Variants in VRK2 observed in about 807,000 individuals in gnomAD.
VRK2 encodes VRK serine/threonine kinase 2.
Under a neutral mutation model 57.6 loss-of-function variants are expected in VRK2, and 60 were observed. That is an observed-to-expected ratio of 1.04 (90% CI 0.85 to 1.29). The LOEUF is 1.29. Among genes scored for constraint, VRK2 ranks in the 50% most tolerant of loss-of-function variants. VRK2 has a pLI of 0.00. For synonymous variants in VRK2, 231 were observed against 199.2 expected (o/e 1.16, Z -1.35); for missense variants, 705 against 588.1 (o/e 1.20, Z -2.06).
chr2:57,967,672 A>G (rs1050159662), intron 1 of VRK2, among the ~76,000 whole-genome samples: 12 of 151,228 alleles, frequency 7.9e-5, no homozygotes, highest in Middle Eastern at 3.4e-3. Flanking sequence ...AGAGCACTTA[A>G]GCAATTATCC....
chr2:57,911,505 G>A (rs1230790878), intron 1 of VRK2, among the ~76,000 whole-genome samples: 3 of 152,088 alleles, frequency 2.0e-5, no homozygotes, highest in Non-Finnish European at 4.4e-5. Flanking sequence ...GGAGTTGCTT[G>A]GCCCCACAAA....
intron 7 of VRK2, among the ~76,000 whole-genome samples, chr2:58,098,946 G>A (rs994420078): frequency 6.6e-6 from 1 of 151,858 alleles, no homozygotes; most frequent in African/African-American, 2.4e-5. Context: ...TATCCTCTTG[G>A]ACCACCTAAC....
intron 12 of VRK2, among the ~76,000 whole-genome samples, chr2:58,155,656 A>G (rs535226387): frequency 6.6e-6 from 1 of 151,850 alleles, no homozygotes; most frequent in Admixed American, 6.6e-5. Flanking sequence ...TTGATGGGGG[A>G]AGGGTAGGTG....
At chr2:58,034,409 C>T (rs902127807) in intron 3 of VRK2, among the ~76,000 whole-genome samples, 2 of 151,984 alleles carry the variant, frequency 1.3e-5, no homozygotes, top group East Asian at 1.9e-4. Context: ...TCAAGGGTTA[C>T]TCCCTCAAAG....
intron 2 of VRK2, 133 bp downstream of exon 2, chr2:58,049,100 AAG>A: frequency 1.7e-6 from 2 of 1,148,932 alleles, no homozygotes; most frequent in Non-Finnish European, 2.4e-6. Context: ...GTACTCGATT[AAG>A]TAATAATAGA....
intron 1 of VRK2, among the ~76,000 whole-genome samples, chr2:57,959,150 A>G (rs1220825792): frequency 5.9e-5 from 9 of 152,226 alleles, no homozygotes; most frequent in African/African-American, 2.2e-4. Context: ...TGAAATGCAG[A>G]AAGTAGAACA....
intron 12 of VRK2, among the ~76,000 whole-genome samples, chr2:58,149,770 T>A (rs1374361266): frequency 2.6e-5 from 4 of 151,694 alleles, no homozygotes; most frequent in Non-Finnish European, 4.4e-5. Flanking sequence ...TCTTTTGAGA[T>A]GATCACATGA....
chr2:57,957,336 A>T (rs1671617257), intron 1 of VRK2, among the ~76,000 whole-genome samples: 1 of 152,014 alleles, frequency 6.6e-6, no homozygotes, highest in South Asian at 2.1e-4. Context: ...TTTCAGGGTC[A>T]TACTACTGAA....
At chr2:58,129,445 A>C (rs1268906481) in intron 8 of VRK2, among the ~76,000 whole-genome samples, 1 of 152,126 alleles carries the variant, frequency 6.6e-6, no homozygotes, top group Non-Finnish European at 1.5e-5. Context: ...CCAGAGCTCT[A>C]TTTACTGCTT....
intron 7 of VRK2, among the ~76,000 whole-genome samples, chr2:58,108,464 A>G (rs968449045): frequency 6.6e-6 from 1 of 152,112 alleles, no homozygotes; most frequent in African/African-American, 2.4e-5. Context: ...CCACCTTCTT[A>G]GCATGGTTTC....
At chr2:58,048,434 A>ACATTTT in intron 1 of VRK2, 1 of 693,180 alleles carries the variant, frequency 1.4e-6, no homozygotes, top group South Asian at 1.9e-5. Flanking sequence ...TCTCACTTTT[A>ACATTTT]ACATTTTACA....
At chr2:58,153,007 T>C (rs945840082) in intron 12 of VRK2, among the ~76,000 whole-genome samples, 1 of 152,020 alleles carries the variant, frequency 6.6e-6, no homozygotes, top group Non-Finnish European at 1.5e-5. Flanking sequence ...ACCACAATTA[T>C]CCTGCAGACC....
intron 7 of VRK2, among the ~76,000 whole-genome samples, chr2:58,093,973 G>A (rs1404664780): frequency 6.6e-6 from 1 of 152,136 alleles, no homozygotes; most frequent in Non-Finnish European, 1.5e-5. Flanking sequence ...TCAGATGGTT[G>A]TAGATGTGTG....
chr2:58,139,189 A>G (rs374795525), intron 10 of VRK2, among the ~76,000 whole-genome samples: 2 of 152,164 alleles, frequency 1.3e-5, no homozygotes, highest in East Asian at 1.9e-4. Context: ...GGTCCTTTCT[A>G]AATATACGGT....
chr2:57,914,249 CTTT>C (rs11306282), intron 1 of VRK2, among the ~76,000 whole-genome samples: 6 of 142,418 alleles, frequency 4.2e-5, no homozygotes, highest in Admixed American at 7.0e-5. Context: ...CTTAACCTTA[CTTT>C]TTTTTTTTTT....
At chr2:58,121,205 G>C (rs1573232536) in intron 7 of VRK2, among the ~76,000 whole-genome samples, 1 of 152,184 alleles carries the variant, frequency 6.6e-6, no homozygotes, top group Non-Finnish European at 1.5e-5. Context: ...ATACTGCTTG[G>C]TGCATAGTAG....
intron 7 of VRK2, among the ~76,000 whole-genome samples, chr2:58,090,475 TTGAC>T (rs1391263395): frequency 6.6e-6 from 1 of 152,160 alleles, no homozygotes. Flanking sequence ...AATATTCTGT[TTGAC>T]TGTCCAATAT....
At chr2:58,009,461 T>C (rs1673352511) in intron 1 of VRK2, among the ~76,000 whole-genome samples, 1 of 151,188 alleles carries the variant, frequency 6.6e-6, no homozygotes. Context: ...GCAATCTGTA[T>C]AGTAAATTTT....
chr2:58,003,573 A>G (rs1231267902), intron 1 of VRK2, among the ~76,000 whole-genome samples: 4 of 152,182 alleles, frequency 2.6e-5, no homozygotes, highest in Admixed American at 1.3e-4. Flanking sequence ...TAGCATAATT[A>G]TATTCCATGC....
Sources: gnomAD v4.1 joint callset for allele counts (sites outside exome capture counted in the v4.1 genomes callset) on GRCh38, gnomAD v4.1.1 for gene constraint, MANE v1.5 for transcripts, NCBI Gene and HGNC (gene_info 2026-07-23, HGNC 2026-07-21) for gene names.